Variants in SLC38A12 observed in about 807,000 individuals in gnomAD.
The protein encoded by SLC38A12 is putative sodium-coupled neutral amino acid transporter 12.
At chr17:74,838,161 C>T in the SLC38A12 span, 9 of 985,556 alleles carry the variant, frequency 9.1e-6, no homozygotes, top group East Asian at 3.4e-4. Context: ...AGAGTCCCTG[C>T]GTGGTGTAAT....
chr17:74,792,932 T>C, the SLC38A12 span, among the ~76,000 whole-genome samples: 1 of 152,162 alleles, frequency 6.6e-6, no homozygotes, highest in East Asian at 1.9e-4. Flanking sequence ...CAACGCAAAG[T>C]CCCCTTCCAA....
At chr17:74,821,584 C>T in the SLC38A12 span, among the ~76,000 whole-genome samples, 1 of 152,198 alleles carries the variant, frequency 6.6e-6, no homozygotes, top group Non-Finnish European at 1.5e-5. Context: ...ATCAGAAACA[C>T]CAGGGCTCAG....
the SLC38A12 span, among the ~76,000 whole-genome samples, chr17:74,825,013 C>T: frequency 2.0e-5 from 3 of 152,212 alleles, no homozygotes; most frequent in Non-Finnish European, 4.4e-5. Context: ...CTGCGCTGAT[C>T]CATCACCACC....
At chr17:74,812,580 G>C in the SLC38A12 span, among the ~76,000 whole-genome samples, 2 of 151,778 alleles carry the variant, frequency 1.3e-5, no homozygotes, top group Non-Finnish European at 1.5e-5. Context: ...CCTGGAGTCT[G>C]GGGGATCCTT....
At chr17:74,836,098 G>A in the SLC38A12 span, 97 of 1,613,694 alleles carry the variant, frequency 6.0e-5, no homozygotes, top group African/African-American at 8.0e-5. The surrounding 1 kb of genome is among the most constrained non-coding windows in gnomAD (Gnocchi z 4.2). Context: ...TCCTCCAAGC[G>A]CCACCTCACA....
At chr17:74,788,859 G>A in the SLC38A12 span, 1 of 1,613,332 alleles carries the variant, frequency 6.2e-7, no homozygotes, top group Admixed American at 1.7e-5. Flanking sequence ...GAAGAGGATG[G>A]AGAACCTCAA....
the SLC38A12 span, among the ~76,000 whole-genome samples, chr17:74,830,355 G>T: frequency 6.6e-6 from 1 of 152,240 alleles, no homozygotes; most frequent in Non-Finnish European, 1.5e-5. Flanking sequence ...TTTGGCAGGT[G>T]TTCAGAGTGG....
the SLC38A12 span, among the ~76,000 whole-genome samples, chr17:74,807,196 A>T: frequency 1.4e-5 from 2 of 145,488 alleles, no homozygotes; most frequent in Non-Finnish European, 3.0e-5. Context: ...CTTTGGAGTC[A>T]GAGGAGCGTT....
the SLC38A12 span, among the ~76,000 whole-genome samples, chr17:74,781,845 A>G: frequency 1.3e-5 from 2 of 152,160 alleles, no homozygotes; most frequent in African/African-American, 4.8e-5. Context: ...AGCCTCTTCC[A>G]GCCCCACCCC....
the SLC38A12 span, among the ~76,000 whole-genome samples, chr17:74,803,047 T>C: frequency 6.6e-6 from 1 of 152,156 alleles, no homozygotes; most frequent in Admixed American, 6.5e-5. Flanking sequence ...AGGAACCCCA[T>C]TATATGAAAA....
the SLC38A12 span, among the ~76,000 whole-genome samples, chr17:74,822,006 G>A: frequency 1.1e-4 from 17 of 152,248 alleles, no homozygotes; most frequent in Non-Finnish European, 2.2e-4. Flanking sequence ...ACCCAGGATA[G>A]TGACAGTTAA....
chr17:74,782,339 A>G, the SLC38A12 span, among the ~76,000 whole-genome samples: 2 of 152,072 alleles, frequency 1.3e-5, no homozygotes, highest in African/African-American at 4.8e-5. Flanking sequence ...AAGTGCTAGG[A>G]TTACAGGTAT....
the SLC38A12 span, among the ~76,000 whole-genome samples, chr17:74,778,981 C>G: frequency 6.6e-6 from 1 of 152,108 alleles, no homozygotes; most frequent in Non-Finnish European, 1.5e-5. Flanking sequence ...CAGGTGAAGT[C>G]TTTCATGAAC....
chr17:74,830,719 T>A, the SLC38A12 span, among the ~76,000 whole-genome samples: 2 of 152,170 alleles, frequency 1.3e-5, no homozygotes, highest in South Asian at 4.1e-4. Context: ...GCAGGCACCT[T>A]CTCTGACTGG....
the SLC38A12 span, chr17:74,794,948 A>G: frequency 4.8e-6 from 3 of 624,744 alleles, no homozygotes; most frequent in African/African-American, 8.3e-5. Context: ...AAAGAAGAAG[A>G]AAAAAAAAAA....
At chr17:74,823,916 C>T in the SLC38A12 span, among the ~76,000 whole-genome samples, 7 of 152,266 alleles carry the variant, frequency 4.6e-5, no homozygotes, top group African/African-American at 7.2e-5. Context: ...GCGGTGGCAG[C>T]GAGGCCTTGA....
At chr17:74,790,611 A>G in the SLC38A12 span, among the ~76,000 whole-genome samples, 1 of 151,894 alleles carries the variant, frequency 6.6e-6, no homozygotes, top group South Asian at 2.1e-4. Flanking sequence ...TGCACCCTGG[A>G]AGCTCAAGTA....
At chr17:74,823,683 G>A in the SLC38A12 span, among the ~76,000 whole-genome samples, 3 of 152,364 alleles carry the variant, frequency 2.0e-5, no homozygotes, top group East Asian at 5.8e-4. Flanking sequence ...CCCCAGCAGT[G>A]AGGCTGTTGT....
the SLC38A12 span, among the ~76,000 whole-genome samples, chr17:74,787,628 CA>C: frequency 0.63 from 81,449 of 129,168 alleles, 23,949 homozygotes; most frequent in Non-Finnish European, 0.66. Context: ...GACTCCGTCT[CA>C]AAAAAAAAAA....
Sources: allele counts gnomAD v4.1 joint callset (sites outside exome capture counted in the v4.1 genomes callset), GRCh38; gene constraint gnomAD v4.1.1; non-coding constraint Gnocchi (gnomAD v3.1); transcripts MANE v1.5; gene names NCBI Gene and HGNC (gene_info 2026-07-23, HGNC 2026-07-21).